The following SH3RF3 variants were observed in gnomAD, a reference collection of about 807,000 sequenced individuals.
SH3RF3 encodes SH3 domain containing ring finger 3.
A neutral mutation model predicts 66.3 loss-of-function variants in SH3RF3; 29 were observed. The observed-to-expected ratio is 0.44, with a 90% CI of 0.33 to 0.60. The LOEUF (loss-of-function observed/expected upper bound fraction) is 0.60, where lower values mean the gene tolerates loss of function less well. Among genes scored for constraint, SH3RF3 ranks in the 20% least tolerant of loss-of-function variants. The probability of loss-of-function intolerance (pLI) is 0.04; values close to 1 mark genes in which losing one functional copy is unlikely to be tolerated. For missense variants in SH3RF3, 1,194 were observed against 1,190.9 expected (o/e 1.00, Z -0.04); for synonymous variants, 583 against 532.0 (o/e 1.10, Z -1.32).
At chr2:109,336,997 A>G (rs950004602) in intron 1 of SH3RF3, among the ~76,000 whole-genome samples, 7 of 152,250 alleles carry the variant, frequency 4.6e-5, no homozygotes, top group East Asian at 1.9e-4. Context: ...TGCAATATCT[A>G]TGTGAAATAA....
intron 1 of SH3RF3, among the ~76,000 whole-genome samples, chr2:109,148,117 C>A (rs992258326): frequency 6.6e-6 from 1 of 152,214 alleles, no homozygotes; most frequent in African/African-American, 2.4e-5. Flanking sequence ...TACACAGCCC[C>A]CTTTGTGTGG....
intron 1 of SH3RF3, among the ~76,000 whole-genome samples, chr2:109,179,320 G>T (rs890391065): frequency 2.0e-5 from 3 of 152,184 alleles, no homozygotes; most frequent in Non-Finnish European, 4.4e-5. Context: ...TAGATTTTCA[G>T]AGCTGCTGAC....
chr2:109,243,462 G>A (rs978874954), intron 1 of SH3RF3, among the ~76,000 whole-genome samples: 6 of 152,194 alleles, frequency 3.9e-5, no homozygotes, highest in African/African-American at 1.2e-4. Context: ...TATTCTCCTC[G>A]TGTGCATTCC....
intron 3 of SH3RF3, among the ~76,000 whole-genome samples, chr2:109,395,828 C>T (rs185111684): frequency 3.2e-4 from 49 of 152,202 alleles, no homozygotes; most frequent in Non-Finnish European, 5.7e-4. Context: ...ATCAGGGCCC[C>T]ATCTCTTCTG....
intron 4 of SH3RF3, among the ~76,000 whole-genome samples, chr2:109,405,076 C>T (rs879687289): frequency 9.2e-5 from 14 of 151,568 alleles, no homozygotes; most frequent in Admixed American, 2.0e-4. Flanking sequence ...CTTCTCTTCC[C>T]ATCCTGGGCA....
intron 1 of SH3RF3, among the ~76,000 whole-genome samples, chr2:109,164,327 C>T (rs1036407534): frequency 6.6e-6 from 1 of 152,158 alleles, no homozygotes; most frequent in Non-Finnish European, 1.5e-5. Flanking sequence ...AGGACTACAG[C>T]ACAGGCTGCA....
chr2:109,193,508 T>C (rs562550215), intron 1 of SH3RF3, among the ~76,000 whole-genome samples: 16 of 152,232 alleles, frequency 1.1e-4, no homozygotes, highest in Non-Finnish European at 1.8e-4. Context: ...ATCATACAGT[T>C]TGCGGCCTTT....
intron 8 of SH3RF3, among the ~76,000 whole-genome samples, chr2:109,466,154 A>C (rs976855721): frequency 7.7e-6 from 1 of 130,276 alleles, no homozygotes; most frequent in Admixed American, 1.0e-4. Context: ...ATCTCGGCTC[A>C]CTGCTGCAAC....
intron 1 of SH3RF3, among the ~76,000 whole-genome samples, chr2:109,268,276 C>G (rs1374448178): frequency 6.6e-6 from 1 of 151,854 alleles, no homozygotes. Flanking sequence ...GGTGCGGCCC[C>G]TTCTCTGGGC....
chr2:109,402,821 G>A lies in SH3RF3; in HGVS notation c.1299+3878G>A, dbSNP rs116798898. Among the ~76,000 whole-genome samples, 728 of 152,302 alleles carry A rather than the reference G, an allele frequency of 4.8e-3. 4 individuals are homozygous for A. Among genetic ancestry groups the A allele is most frequent in the African/African-American group, 0.017 (698 of 41,552 alleles). On this transcript the variant is annotated intron_variant, in intron 4 of 9. Transcript: ENST00000309415. ...GTGTCCCAGTGCATTTACTTTTGGGGTGAGCATGGTATCGTCCCTGGTAGT... is the reference window on the plus strand; with the variant it reads ...GTGTCCCAGTGCATTTACTTTTGGGATGAGCATGGTATCGTCCCTGGTAGT...
At chr2:109,446,072 T>C (rs548580149) in intron 7 of SH3RF3, among the ~76,000 whole-genome samples, 1 of 152,106 alleles carries the variant, frequency 6.6e-6, no homozygotes, top group Non-Finnish European at 1.5e-5. Flanking sequence ...TGGGCTACTT[T>C]GGCATCACTA....
intron 1 of SH3RF3, among the ~76,000 whole-genome samples, chr2:109,266,192 TTG>T (rs1680488454): frequency 6.6e-6 from 1 of 151,294 alleles, no homozygotes. Context: ...CATGTGTGTG[TTG>T]TGTGTTGTGT....
intron 2 of SH3RF3, among the ~76,000 whole-genome samples, chr2:109,369,793 C>T (rs1472798276): frequency 6.6e-6 from 1 of 152,212 alleles, no homozygotes; most frequent in Non-Finnish European, 1.5e-5. Flanking sequence ...CCTACGGCCC[C>T]CTCCGCTCCC....
intron 8 of SH3RF3, among the ~76,000 whole-genome samples, chr2:109,458,952 C>T (rs1678140776): frequency 6.6e-6 from 1 of 152,190 alleles, no homozygotes. Context: ...CACCGTCCAT[C>T]CTTTGTCAGC....
chr2:109,221,120 CATT>C (rs1237417111), intron 1 of SH3RF3, among the ~76,000 whole-genome samples: 2 of 152,170 alleles, frequency 1.3e-5, no homozygotes, highest in Admixed American at 1.3e-4. Context: ...ACTTTGAAGT[CATT>C]ATGCTGAGTG....
chr2:109,193,910 C>T (rs971337604), intron 1 of SH3RF3, among the ~76,000 whole-genome samples: 1 of 152,330 alleles, frequency 6.6e-6, no homozygotes, highest in East Asian at 1.9e-4. Context: ...GCAAGCCTTG[C>T]CCCAGGTCTC....
At position 109,355,237 on chromosome 2, in the gene SH3RF3, A is replaced by G. The variant is rs541942738; in HGVS notation, c.849+7288A>G. On this transcript the variant is annotated intron_variant, in intron 2 of 9. Transcript: ENST00000309415. Reference sequence around the variant, plus strand: ...AAACGAAATTGAGCTTTGTATCTGAAAGAGAAATTATGTTGTGGAAACAAG... The same window carrying G: ...AAACGAAATTGAGCTTTGTATCTGAGAGAGAAATTATGTTGTGGAAACAAG... 2.6e-5 allele frequency among the ~76,000 whole-genome samples: 4 copies of G among 152,354 alleles called. No homozygotes were observed. The South Asian group carries it at 8.3e-4, about 32-fold the overall frequency.
intron 1 of SH3RF3, among the ~76,000 whole-genome samples, chr2:109,286,265 G>A (rs908467680): frequency 6.6e-6 from 1 of 152,226 alleles, no homozygotes; most frequent in Non-Finnish European, 1.5e-5. Flanking sequence ...GCCATCAGCA[G>A]ATTTCCTTAT....
At position 109,142,590 on chromosome 2, in the gene SH3RF3, C is replaced by T. The variant is rs554824604; in HGVS notation, c.573+12477C>T. On this transcript the variant is annotated intron_variant, in intron 1 of 9. Transcript: ENST00000309415. The stretch of plus-strand genomic sequence containing the variant: ...TGGCTGAGGGAGGAGGATTCTAGTC[C>T]TGTCACCAGAAGCCTCTCTGGGTTC... Among the ~76,000 whole-genome samples the T allele has an allele frequency of 2.5e-3, 380 of 152,284 alleles. 9 individuals carry two copies. Among genetic ancestry groups the T allele is most frequent in the Non-Finnish European group, 3.0e-3 (201 of 68,026 alleles).
Sources: gnomAD v4.1 joint callset for allele counts (sites outside exome capture counted in the v4.1 genomes callset) on GRCh38, gnomAD v4.1.1 for gene constraint, MANE v1.5 for transcripts, NCBI Gene and HGNC (gene_info 2026-07-23, HGNC 2026-07-21) for gene names.